LARGE1: variants seen among roughly 807,000 people sequenced by gnomAD.
The protein encoded by LARGE1 is LARGE xylosyl- and glucuronyltransferase 1.
A neutral mutation model predicts 87.6 loss-of-function variants in LARGE1; 43 were observed. The ratio of observed to expected loss-of-function variants is 0.49; its 90% CI spans 0.38 to 0.63. LARGE1 has a LOEUF of 0.63. Among genes scored for constraint, LARGE1 ranks in the 30% least tolerant of loss-of-function variants. LARGE1 has a pLI of 0.00. For missense variants in LARGE1, 802 were observed against 1,000.2 expected, an observed-to-expected ratio of 0.80 and a Z score of 2.67; for synonymous variants, 434 against 394.6, an observed-to-expected ratio of 1.10 and a Z score of -1.18.
chr22:33,501,750 T>G (rs996561103), intron 6 of LARGE1, among the ~76,000 whole-genome samples: 20 of 152,250 alleles, frequency 1.3e-4, no homozygotes, highest in Middle Eastern at 3.4e-3. Context: ...GGTGATGCCG[T>G]CCTTCGAGCC....
chr22:33,528,746 G>A (rs1185367696), intron 6 of LARGE1, among the ~76,000 whole-genome samples: 1 of 152,112 alleles, frequency 6.6e-6, no homozygotes, highest in East Asian at 1.9e-4. Context: ...GCATAACGAG[G>A]TATGTTTGAC....
At chr22:33,611,111 T>C (rs2079415377) in intron 4 of LARGE1, among the ~76,000 whole-genome samples, 1 of 152,232 alleles carries the variant, frequency 6.6e-6, no homozygotes, top group Admixed American at 6.5e-5. Flanking sequence ...AGATGTTCTA[T>C]TAGGGCAGTG....
chr22:33,522,827 T>TA (rs1435562217), intron 6 of LARGE1, among the ~76,000 whole-genome samples: 24 of 141,512 alleles, frequency 1.7e-4, no homozygotes, highest in African/African-American at 3.7e-4. Flanking sequence ...AGACTCTATC[T>TA]AAAAAAAAGA....
chr22:33,274,619 A>G lies in LARGE1; in HGVS notation c.2079T>C (p.Tyr693=), dbSNP rs996290544. The change falls in exon 15 of 15, where the codon TAT becomes TAC. Residue 693 remains tyrosine (Y), a synonymous_variant. Coordinates refer to ENST00000397394, the MANE Select transcript of LARGE1 (RefSeq NM_133642.5). ...AGGCGTTGGGCAGCACAATGAACTC[A>G]TACTCCTGGAAGAAGACAAGAGCAG... ...AHIMELDVQE[Y]EFIVLPNAYM... is the part of the protein sequence containing the mutation. 3 of 1,614,114 alleles carry G rather than the reference A, an allele frequency of 1.9e-6. No homozygotes were observed. Among genetic ancestry groups the G allele is most frequent in the African/African-American group, 1.3e-5 (1 of 75,034 alleles).
the LARGE1 span, among the ~76,000 whole-genome samples, chr22:33,086,165 C>T: frequency 6.6e-6 from 1 of 152,108 alleles, no homozygotes; most frequent in Non-Finnish European, 1.5e-5. Flanking sequence ...TAGTATCAGT[C>T]TGTTGTTTTA....
At chr22:33,840,982 G>A (rs1359138991) in intron 1 of LARGE1, among the ~76,000 whole-genome samples, 1 of 152,110 alleles carries the variant, frequency 6.6e-6, no homozygotes, top group East Asian at 1.9e-4. Flanking sequence ...CTATACTTGA[G>A]TACCCATATA....
At chr22:33,635,688 T>C (rs1218455313) in intron 3 of LARGE1, among the ~76,000 whole-genome samples, 1 of 152,086 alleles carries the variant, frequency 6.6e-6, no homozygotes, top group Non-Finnish European at 1.5e-5. Flanking sequence ...AAGTGACGGG[T>C]TGAATTCAGG....
intron 2 of LARGE1, among the ~76,000 whole-genome samples, chr22:33,697,549 C>CAAAGAAA: frequency 1.8e-5 from 1 of 54,114 alleles, no homozygotes; most frequent in Non-Finnish European, 3.0e-5. Flanking sequence ...GACTCTGTCC[C>CAAAGAAA]AAAAAAAAAA....
At chr22:33,567,602 CT>C (rs142062899) in intron 5 of LARGE1, among the ~76,000 whole-genome samples, 2,687 of 152,222 alleles carry the variant, frequency 0.018, 44 homozygotes, top group South Asian at 0.026. Context: ...GTCATGATTT[CT>C]TTTTTAAAAA....
chr22:33,782,423 C>G (rs1315455993), intron 1 of LARGE1, among the ~76,000 whole-genome samples: 1 of 152,038 alleles, frequency 6.6e-6, no homozygotes, highest in Non-Finnish European at 1.5e-5. Context: ...ATCACACAAC[C>G]TTGTGAAAAT....
intron 6 of LARGE1, among the ~76,000 whole-genome samples, chr22:33,475,753 C>T (rs1197149356): frequency 6.6e-6 from 1 of 152,140 alleles, no homozygotes; most frequent in Admixed American, 6.6e-5. Context: ...CGTGAGCCAC[C>T]GCACCTGGCC....
the LARGE1 span, among the ~76,000 whole-genome samples, chr22:33,104,895 CTT>C: frequency 0.063 from 3,538 of 56,440 alleles, 93 homozygotes; most frequent in East Asian, 0.13. Context: ...CTCTCTCTTT[CTT>C]TCTTTCTTTC....
chr22:33,884,389 A>T (rs1015049848), intron 1 of LARGE1, among the ~76,000 whole-genome samples: 2 of 152,210 alleles, frequency 1.3e-5, no homozygotes, highest in African/African-American at 2.4e-5. Context: ...GCTATCATTC[A>T]GGGTGAGTCA....
intron 6 of LARGE1, among the ~76,000 whole-genome samples, chr22:33,525,622 C>T (rs1232418380): frequency 1.3e-5 from 2 of 152,042 alleles, no homozygotes; most frequent in Non-Finnish European, 1.5e-5. Flanking sequence ...CTAGGTGACC[C>T]GTAAGTCCTG....
chr22:33,436,604 A>AGT (rs1308907216), intron 6 of LARGE1: 2 of 153,792 alleles, frequency 1.3e-5, no homozygotes, highest in African/African-American at 2.4e-5. Context: ...GTGTGAAAGG[A>AGT]GTTAACTGAC....
chr22:33,252,661 G>C (rs1775997147), intron 11 of LARGE1, among the ~76,000 whole-genome samples: 1 of 149,222 alleles, frequency 6.7e-6, no homozygotes, highest in Admixed American at 6.7e-5. Context: ...TTTGCCCAAA[G>C]ACGTGTGCCT....
chr22:33,412,795 C>T (rs528923268), intron 7 of LARGE1, among the ~76,000 whole-genome samples: 26 of 152,186 alleles, frequency 1.7e-4, no homozygotes, highest in Admixed American at 3.9e-4. Context: ...CGAGTAGCTG[C>T]GACTACAGGC....
chr22:33,629,010 G>A, intron 3 of LARGE1, among the ~76,000 whole-genome samples: 1 of 152,146 alleles, frequency 6.6e-6, no homozygotes, highest in East Asian at 1.9e-4. Flanking sequence ...AGGGATGAGG[G>A]AGCAAAATGA....
chr22:33,655,017 T>C (rs530583528), intron 2 of LARGE1, among the ~76,000 whole-genome samples: 30 of 152,340 alleles, frequency 2.0e-4, no homozygotes, highest in African/African-American at 6.7e-4. Flanking sequence ...ACAAAGTCCA[T>C]TTGCTCTAGA....
Sources: allele counts gnomAD v4.1 joint callset (sites outside exome capture counted in the v4.1 genomes callset), GRCh38; gene constraint gnomAD v4.1.1; transcripts MANE v1.5; gene names NCBI Gene and HGNC (gene_info 2026-07-23, HGNC 2026-07-21).